Variants in CDH11 observed in about 807,000 individuals in gnomAD.
CDH11 encodes cadherin 11.
Under a neutral mutation model 67.8 loss-of-function variants are expected in CDH11, and 11 were observed. That is an observed-to-expected ratio of 0.16 (90% CI 0.10 to 0.27). CDH11 has a LOEUF of 0.27. Among genes scored for constraint, CDH11 ranks in the 10% least tolerant of loss-of-function variants. CDH11 has a pLI of 1.00. For synonymous variants in CDH11, 419 were observed against 400.0 expected (o/e 1.05, Z -0.57); for missense variants, 847 against 1,031.2 (o/e 0.82, Z 2.45).
chr16:65,067,537 A>G (rs2074334240), intron 1 of CDH11, among the ~76,000 whole-genome samples: 1 of 152,036 alleles, frequency 6.6e-6, no homozygotes, highest in South Asian at 2.1e-4. Flanking sequence ...GTGCTCATTG[A>G]TTTATTGTTT....
intron 11 of CDH11, among the ~76,000 whole-genome samples, chr16:64,964,079 A>T (rs1425434983): frequency 6.6e-6 from 1 of 152,202 alleles, no homozygotes; most frequent in African/African-American, 2.4e-5. Context: ...ATTTTAATTG[A>T]CCTAACACAA....
At chr16:64,988,675 AG>A (rs1196587095) in intron 6 of CDH11, among the ~76,000 whole-genome samples, 1 of 152,234 alleles carries the variant, frequency 6.6e-6, no homozygotes, top group African/African-American at 2.4e-5. Flanking sequence ...TTAGCAAAAT[AG>A]CTGAAGCTTC....
At chr16:65,049,607 A>G (rs2074021410) in intron 2 of CDH11, among the ~76,000 whole-genome samples, 3 of 152,210 alleles carry the variant, frequency 2.0e-5, no homozygotes, top group Non-Finnish European at 4.4e-5. Flanking sequence ...TAAATAAAGC[A>G]AGATCAAAGA....
chr16:65,029,868 C>T (rs1227013186), intron 2 of CDH11, among the ~76,000 whole-genome samples: 2 of 152,126 alleles, frequency 1.3e-5, no homozygotes, highest in East Asian at 3.9e-4. Context: ...ACATTGGAGG[C>T]AGACTTGGGA....
At chr16:65,021,972 A>C (rs1355671414) in intron 2 of CDH11, among the ~76,000 whole-genome samples, 1 of 152,008 alleles carries the variant, frequency 6.6e-6, no homozygotes, top group Non-Finnish European at 1.5e-5. Flanking sequence ...GTCCCATAAG[A>C]GTCAAACAGG....
chr16:65,021,246 A>C (rs1485270889), intron 2 of CDH11, among the ~76,000 whole-genome samples: 1 of 152,202 alleles, frequency 6.6e-6, no homozygotes, highest in South Asian at 2.1e-4. Context: ...AAAGTAAAAA[A>C]CACCAGGTAA....
chr16:65,093,210 C>CTT (rs35724614), intron 1 of CDH11, among the ~76,000 whole-genome samples: 60 of 119,088 alleles, frequency 5.0e-4, no homozygotes, highest in South Asian at 1.7e-3. Context: ...TGTTGGGTTC[C>CTT]TTTTTTTTTT....
intron 3 of CDH11, among the ~76,000 whole-genome samples, chr16:65,001,158 G>GAAA (rs2072911220): frequency 7.9e-5 from 12 of 152,292 alleles, no homozygotes; most frequent in Admixed American, 7.2e-4. Flanking sequence ...GGGGTTACCT[G>GAAA]TAGGTATGAA....
chr16:65,097,420 G>A (rs2074917714), intron 1 of CDH11, among the ~76,000 whole-genome samples: 1 of 152,210 alleles, frequency 6.6e-6, no homozygotes, highest in African/African-American at 2.4e-5. Flanking sequence ...TCATTCTCTA[G>A]GGTAGGGCTT....
intron 2 of CDH11, among the ~76,000 whole-genome samples, chr16:65,039,637 G>T (rs1016960392): frequency 6.6e-6 from 1 of 152,064 alleles, no homozygotes; most frequent in Non-Finnish European, 1.5e-5. Flanking sequence ...TACCATTCAG[G>T]ACATAGGCAT....
chr16:65,034,956 C>T (rs2073722061), intron 2 of CDH11, among the ~76,000 whole-genome samples: 1 of 152,198 alleles, frequency 6.6e-6, no homozygotes, highest in Admixed American at 6.5e-5. Flanking sequence ...CCCCTCGACC[C>T]TCGAGTTATC....
At chr16:64,965,875 A>T (rs565216462) in intron 11 of CDH11, among the ~76,000 whole-genome samples, 22 of 152,166 alleles carry the variant, frequency 1.4e-4, no homozygotes, top group Admixed American at 1.2e-3. Context: ...AGAGGGAGAA[A>T]TTAGGATTAA....
intron 2 of CDH11, among the ~76,000 whole-genome samples, chr16:65,036,094 T>C (rs2073748875): frequency 6.6e-6 from 1 of 152,178 alleles, no homozygotes; most frequent in Admixed American, 6.5e-5. Context: ...TTTCTTTTAT[T>C]AATTTGCACA....
At chr16:65,064,389 T>G (rs1363049588) in intron 1 of CDH11, among the ~76,000 whole-genome samples, 1 of 152,236 alleles carries the variant, frequency 6.6e-6, no homozygotes, top group Non-Finnish European at 1.5e-5. Flanking sequence ...CATCACGCTA[T>G]TGTTTCTGAC....
chr16:64,972,136 G>A, intron 9 of CDH11, 72 bp from the exon 10 acceptor site: 1 of 1,397,236 alleles, frequency 7.2e-7, no homozygotes, highest in Non-Finnish European at 1.0e-6. Flanking sequence ...ATATTCTTGG[G>A]AAAGAGTAAG....
intron 1 of CDH11, among the ~76,000 whole-genome samples, chr16:65,101,730 T>C (rs1029109148): frequency 2.0e-5 from 3 of 152,168 alleles, no homozygotes; most frequent in African/African-American, 7.2e-5. Context: ...ATTGATCACA[T>C]TTATCACTAC....
intron 1 of CDH11, among the ~76,000 whole-genome samples, chr16:65,064,934 G>C (rs973323800): frequency 6.6e-6 from 1 of 152,176 alleles, no homozygotes; most frequent in African/African-American, 2.4e-5. Flanking sequence ...TATGGACAGG[G>C]AGACGGAGGC....
chr16:65,069,714 G>A (rs2074383031), intron 1 of CDH11, among the ~76,000 whole-genome samples: 1 of 152,184 alleles, frequency 6.6e-6, no homozygotes, highest in Non-Finnish European at 1.5e-5. Context: ...ATCAATTTGA[G>A]TCTAAAATAC....
At chr16:65,015,941 A>C (rs1287882633) in intron 2 of CDH11, among the ~76,000 whole-genome samples, 1 of 152,148 alleles carries the variant, frequency 6.6e-6, no homozygotes, top group Non-Finnish European at 1.5e-5. Context: ...CCCATAATCC[A>C]CCAGGGTCCC....
Sources: gnomAD v4.1 joint callset for allele counts (sites outside exome capture counted in the v4.1 genomes callset) on GRCh38, gnomAD v4.1.1 for gene constraint, MANE v1.5 for transcripts, NCBI Gene and HGNC (gene_info 2026-07-23, HGNC 2026-07-21) for gene names.